Variants in RSPO4 observed in about 807,000 individuals in gnomAD.
RSPO4 encodes the protein R-spondin-4.
A neutral mutation model predicts 24.8 loss-of-function variants in RSPO4; 23 were observed. The ratio of observed to expected loss-of-function variants is 0.93; its 90% CI spans 0.67 to 1.31. The LOEUF is 1.31. RSPO4 is among the 40% of genes most tolerant of loss of function. RSPO4 has a pLI of 0.00. For synonymous variants in RSPO4, 141 were observed against 127.4 expected (o/e 1.11, Z -0.72); for missense variants, 333 against 316.5 (o/e 1.05, Z -0.39).
rs1325050579 is a variant in RSPO4, at chr20:960,426, G to T, written c.636C>A (p.Arg212=). Residue 212 remains arginine, a synonymous_variant, in exon 5 of 5, where the codon CGC becomes CGA. Transcript: ENST00000217260. ...GGTCCAGCTTCCTGTCCTTGCGTGGGCGCCGGTCCTTCCTGCCCTTCTTCT... is the reference window on the plus strand; with the variant it reads ...GGTCCAGCTTCCTGTCCTTGCGTGGTCGCCGGTCCTTCCTGCCCTTCTTCT... ...PGQKKGRKDR[R]PRKDRKLDRR... 29 of 1,539,796 alleles carry T rather than the reference G, an allele frequency of 1.9e-5. No individual in the cohort carries two copies. The highest frequency in any genetic ancestry group is 2.4e-5 in the East Asian group (1 of 41,014).
At position 967,246 on chromosome 20, in the gene RSPO4, A is replaced by T; in HGVS notation, c.337T>A (p.Leu113Met). ...GTGGGCAGACACTTCCCCTTGTACA[A>T]GTAAAACTGCCTCTTGCACCGGATG... is the stretch of plus-strand genomic sequence containing the variant. Reference protein sequence around the residue: ...FCIRCKRQFYLYKGKCLPTCP... With the variant: ...FCIRCKRQFYMYKGKCLPTCP... The change falls in exon 3 of 5, where the codon TTG (leucine) becomes ATG (methionine). Residue 113 changes from leucine (L) to methionine (M), a missense_variant. Coordinates refer to ENST00000217260, the MANE Select transcript of RSPO4 (RefSeq NM_001029871.4). 1 of 1,614,216 alleles carries T rather than the reference A, an allele frequency of 6.2e-7. No individual in the cohort carries two copies. Among genetic ancestry groups the T allele is most frequent in the Non-Finnish European group, 8.5e-7 (1 of 1,180,022 alleles).
In RSPO4 at chr20:970,432, G is replaced by A. The variant is rs77438340; in HGVS notation, c.80-2294C>T. 1.1e-3 allele frequency among the ~76,000 whole-genome samples: 173 copies of A among 152,142 alleles called. 5 individuals carry two copies. The East Asian group carries it at 0.028, about 25-fold the overall frequency. On this transcript the variant is annotated intron_variant, in intron 1 of 4. Coordinates refer to ENST00000217260, the MANE Select transcript of RSPO4 (RefSeq NM_001029871.4). This position sits in a 1 kb window ranked among gnomAD's most constrained non-coding sequence, Gnocchi z 4.1. Reference sequence around the variant, plus strand: ...GAGGCTTACTGATCCAGGGTCGTACGGAAGCACACAGTAACTAAAGTGTAC... The same window carrying A: ...GAGGCTTACTGATCCAGGGTCGTACAGAAGCACACAGTAACTAAAGTGTAC...
chr20:967,924 C>T (rs2122217756), intron 2 of RSPO4, 26 bp downstream of exon 2: 1 of 1,610,338 alleles, frequency 6.2e-7, no homozygotes, highest in African/African-American at 1.3e-5. Flanking sequence ...CCAGCACTAG[C>T]ATAGAACAAG....
chr20:991,046 G>A (rs961315790), intron 1 of RSPO4, among the ~76,000 whole-genome samples: 2 of 152,186 alleles, frequency 1.3e-5, no homozygotes, highest in Non-Finnish European at 2.9e-5. Context: ...AGAATCCCTC[G>A]CGGGAAGGGT....
rs6108258 is a variant in RSPO4 at position 981,207 on chromosome 20, C to T, written c.80-13069G>A. On this transcript the variant is annotated intron_variant, in intron 1 of 4. Transcript: ENST00000217260. This position sits in a 1 kb window ranked among gnomAD's most constrained non-coding sequence, Gnocchi z 4.6. ...TGTTGGTCTGATGATGAACGTGGAG[C>T]GGGAAAATGGGAGTGATACTCAAAA... 0.012 allele frequency among the ~76,000 whole-genome samples: 1,818 copies of T among 152,052 alleles called. 47 individuals carry two copies. Among genetic ancestry groups the T allele is most frequent in the African/African-American group, 0.041 (1,697 of 41,446 alleles).
At chr20:968,254 A>G in intron 1 of RSPO4, 116 bp from the exon 2 acceptor site, 2 of 853,702 alleles carry the variant, frequency 2.3e-6, no homozygotes, top group Admixed American at 4.1e-5. Context: ...TGGCCACCCA[A>G]ACAAAAGACT....
chr20:981,696 CAT>C lies in RSPO4; in HGVS notation c.80-13560_80-13559del, dbSNP rs570945809. Reference sequence around the variant, plus strand: ...AAGGGCTGGGTTCATGTGTGCCCGACATGTGTGTGTTTGGGGGACAGGGGCAG... The same window carrying C: ...AAGGGCTGGGTTCATGTGTGCCCGACGTGTGTGTTTGGGGGACAGGGGCAG... On this transcript the variant is annotated intron_variant, in intron 1 of 4. Coordinates refer to ENST00000217260, the MANE Select transcript of RSPO4 (RefSeq NM_001029871.4). The surrounding 1 kb of genome is among the most constrained non-coding windows in gnomAD (Gnocchi z 4.6). 2.6e-5 allele frequency among the ~76,000 whole-genome samples: 4 copies of C among 152,168 alleles called. No individual in the cohort carries two copies. Among genetic ancestry groups the C allele is most frequent in the Non-Finnish European group, 4.4e-5 (3 of 68,022 alleles).
chr20:992,595 T>C (rs1045219536), intron 1 of RSPO4, among the ~76,000 whole-genome samples: 1 of 152,038 alleles, frequency 6.6e-6, no homozygotes, highest in Non-Finnish European at 1.5e-5. Flanking sequence ...TCCAGGGGCG[T>C]CACATGCATA....
At chr20:975,575 A>C (rs973616455) in intron 1 of RSPO4, among the ~76,000 whole-genome samples, 1 of 152,204 alleles carries the variant, frequency 6.6e-6, no homozygotes, top group Admixed American at 6.5e-5. Flanking sequence ...TTGGATGTCC[A>C]TTTTATGGAG....
At chr20:995,818 G>T (rs1217588018) in intron 1 of RSPO4, among the ~76,000 whole-genome samples, 1 of 152,168 alleles carries the variant, frequency 6.6e-6, no homozygotes, top group Non-Finnish European at 1.5e-5. Context: ...GATGGGCTCA[G>T]CTGGTCCAGC....
At position 967,493 on chromosome 20, in the gene RSPO4, G is replaced by A. The variant is rs575573795; in HGVS notation, c.269-179C>T. ...GGTCAAACTGGGCTGCATGTGAAGAGAACACTCCCTTTCTCATTTGAGGGG... is the reference window on the plus strand; with the variant it reads ...GGTCAAACTGGGCTGCATGTGAAGAAAACACTCCCTTTCTCATTTGAGGGG... On this transcript the variant is annotated intron_variant, in intron 2 of 4. Coordinates refer to ENST00000217260, the MANE Select transcript of RSPO4 (RefSeq NM_001029871.4). Among the ~76,000 whole-genome samples the A allele has an allele frequency of 6.6e-5, 10 of 152,334 alleles. 1 individual carries two copies. Among genetic ancestry groups the A allele is most frequent in the African/African-American group, 2.4e-4 (10 of 41,570 alleles).
intron 1 of RSPO4, among the ~76,000 whole-genome samples, chr20:990,771 G>A (rs534333624): frequency 3.9e-5 from 6 of 152,318 alleles, no homozygotes; most frequent in African/African-American, 1.4e-4. Context: ...TCGCCTCCAG[G>A]GGCAGGGAGT....
chr20:982,731 A>G (rs907242734), intron 1 of RSPO4, among the ~76,000 whole-genome samples: 1 of 152,144 alleles, frequency 6.6e-6, no homozygotes, highest in African/African-American at 2.4e-5. Flanking sequence ...TGGTTGTTGT[A>G]AAGTGCCCTG....
At chr20:993,504 C>T (rs1985177916) in intron 1 of RSPO4, among the ~76,000 whole-genome samples, 1 of 152,176 alleles carries the variant, frequency 6.6e-6, no homozygotes, top group South Asian at 2.1e-4. Context: ...CTTTCCCCAG[C>T]CTGGCTGTGT....
Position 960,344 on chromosome 20 carries a change from G to T in RSPO4, c.*13C>A. ...GCCGAGGACTAGGACCAGAGAGTCG[G>T]GAGAGCCGGCGGTCAGGGCTGCAGG... is the stretch of plus-strand genomic sequence containing the variant. On this transcript the variant is annotated 3_prime_UTR_variant, in exon 5 of 5. Transcript: ENST00000217260. 1.3e-6 allele frequency: 2 copies of T among 1,526,984 alleles called. No homozygotes were observed. Among genetic ancestry groups the T allele is most frequent in the Non-Finnish European group, 1.8e-6 (2 of 1,138,438 alleles). The allele number at this position is 1,526,984 out of a possible 1,614,324, so 94.6% of individuals were successfully genotyped here.
chr20:993,302 G>A (rs923007737), intron 1 of RSPO4, among the ~76,000 whole-genome samples: 1 of 152,254 alleles, frequency 6.6e-6, no homozygotes, highest in African/African-American at 2.4e-5. Flanking sequence ...GGCAGTGGCG[G>A]CCCAGCATGG....
In RSPO4 at chr20:964,113, A is replaced by G. The variant is rs1984104238; in HGVS notation, c.417T>C (p.Cys139=). The G allele has an allele frequency of 1.2e-6, 2 of 1,612,188 alleles. No homozygotes were observed. The highest frequency in any genetic ancestry group is 1.7e-4 in the Middle Eastern group (1 of 6,036). Residue 139 remains cysteine, a synonymous_variant, in exon 4 of 5, where the codon TGT becomes TGC. Coordinates refer to ENST00000217260, the MANE Select transcript of RSPO4 (RefSeq NM_001029871.4). The stretch of plus-strand genomic sequence containing the variant: ...TCCAGCCGCCCCAGGGACCCAGTTC[A>G]CACTCCCCTGTGGGGTGAAAGGAGA... ...HQNTRECQGE[C]ELGPWGGWSP...
intron 1 of RSPO4, among the ~76,000 whole-genome samples, chr20:986,158 C>T (rs1019966178): frequency 1.3e-5 from 2 of 152,168 alleles, no homozygotes; most frequent in African/African-American, 2.4e-5. Flanking sequence ...AGGTCAAGCT[C>T]GTGCTCCTTG....
chr20:997,361 G>C (rs6039428), intron 1 of RSPO4, among the ~76,000 whole-genome samples: 1,534 of 152,308 alleles, frequency 0.01, 20 homozygotes, highest in African/African-American at 0.035. Flanking sequence ...GCTTCAGAAC[G>C]CTGAGTGGAA....
Sources: gnomAD v4.1 joint callset for allele counts (sites outside exome capture counted in the v4.1 genomes callset) on GRCh38, gnomAD v4.1.1 for gene constraint, Gnocchi (gnomAD v3.1) non-coding constraint, MANE v1.5 for transcripts, NCBI Gene and HGNC (gene_info 2026-07-23, HGNC 2026-07-21) for gene names.